The following RNF169 variants were observed in gnomAD, a reference collection of about 807,000 sequenced individuals.
RNF169 encodes ring finger protein 169, also known as E3 ubiquitin-protein ligase RNF169.
A neutral mutation model predicts 53.9 loss-of-function variants in RNF169; 24 were observed. The ratio of observed to expected loss-of-function variants is 0.45; its 90% CI spans 0.32 to 0.63. RNF169 has a LOEUF of 0.63. RNF169 is among the 20% of genes least tolerant of loss of function. The pLI is 0.04. For synonymous variants in RNF169, 396 were observed against 363.5 expected (o/e 1.09, Z -1.02); for missense variants, 883 against 906.2 (o/e 0.97, Z 0.33).
chr11:74,760,274 T>C (rs1020388329), intron 1 of RNF169, among the ~76,000 whole-genome samples: 1 of 152,242 alleles, frequency 6.6e-6, no homozygotes, highest in East Asian at 1.9e-4. Context: ...CCTGGATTCA[T>C]TGATTTTTTG....
At chr11:74,785,500 T>C (rs1171373669) in intron 1 of RNF169, among the ~76,000 whole-genome samples, 4 of 151,436 alleles carry the variant, frequency 2.6e-5, no homozygotes, top group African/African-American at 7.3e-5. Flanking sequence ...ACAGCTAAGA[T>C]AGAACGTAGG....
chr11:74,762,392 G>C (rs1031362125), intron 1 of RNF169, among the ~76,000 whole-genome samples: 3 of 152,150 alleles, frequency 2.0e-5, no homozygotes, highest in Non-Finnish European at 4.4e-5. Flanking sequence ...GCCTTTTAGA[G>C]TTTCCAGTTT....
At chr11:74,790,818 C>G (rs1378209140) in intron 2 of RNF169, among the ~76,000 whole-genome samples, 1 of 152,206 alleles carries the variant, frequency 6.6e-6, no homozygotes, top group African/African-American at 2.4e-5. Context: ...TTGGAGATGC[C>G]AGGAACTGCA....
chr11:74,793,341 G>C (rs1373048498), intron 2 of RNF169, among the ~76,000 whole-genome samples: 2 of 152,064 alleles, frequency 1.3e-5, no homozygotes, highest in Non-Finnish European at 2.9e-5. Flanking sequence ...AAGATAAGTG[G>C]AAATTAATTC....
At chr11:74,796,485 T>TA (rs547654717) in intron 2 of RNF169, among the ~76,000 whole-genome samples, 3 of 152,240 alleles carry the variant, frequency 2.0e-5, no homozygotes, top group African/African-American at 7.2e-5. Flanking sequence ...GATTTATCTC[T>TA]AAAAAATGTT....
intron 2 of RNF169, among the ~76,000 whole-genome samples, chr11:74,798,898 T>A (rs543754088): frequency 3.2e-4 from 48 of 152,078 alleles, no homozygotes; most frequent in Admixed American, 9.2e-4. Flanking sequence ...AAAAATTTTT[T>A]AAAAAATTAG....
chr11:74,758,343 G>A (rs1215989117), intron 1 of RNF169, among the ~76,000 whole-genome samples: 1 of 146,834 alleles, frequency 6.8e-6, no homozygotes, highest in Non-Finnish European at 1.5e-5. Context: ...GCTCTGTTCT[G>A]TTCCATTGAT....
chr11:74,757,286 T>C (rs1213563891), intron 1 of RNF169, among the ~76,000 whole-genome samples: 2,442 of 119,720 alleles, frequency 0.02, 114 homozygotes, highest in African/African-American at 0.079. Flanking sequence ...CTGAGAATGA[T>C]GGTTTCCAGT....
intron 4 of RNF169, chr11:74,831,527 T>A (rs1565188413): frequency 6.6e-6 from 1 of 152,192 alleles, no homozygotes; most frequent in Non-Finnish European, 1.5e-5. Flanking sequence ...CCTGTGCTCA[T>A]GGATTAGAAG....
chr11:74,797,560 A>G (rs1323218101), intron 2 of RNF169, among the ~76,000 whole-genome samples: 1 of 152,234 alleles, frequency 6.6e-6, no homozygotes, highest in Non-Finnish European at 1.5e-5. Context: ...TATCTTGCAC[A>G]TAGCTCTTCA....
rs935818081 is a variant in RNF169, at chr11:74,757,043, T to A, written c.502+7661T>A. On this transcript the variant is annotated intron_variant, in intron 1 of 5. Transcript: ENST00000299563. ...TTAAGTTTTAGGGTACATGTGCACA[T>A]TGTGCAGGTTAGTTACATATGTATA... is the stretch of plus-strand genomic sequence containing the variant. Among the ~76,000 whole-genome samples, 454 of 149,134 alleles carry A rather than the reference T, an allele frequency of 3.0e-3. 2 individuals carry two copies. Among genetic ancestry groups the A allele is most frequent in the African/African-American group, 0.011 (433 of 39,902 alleles).
In RNF169 at chr11:74,803,876, A is replaced by G. The variant is rs547567781; in HGVS notation, c.577-6308A>G. Among the ~76,000 whole-genome samples, 7 of 152,372 alleles carry G rather than the reference A, an allele frequency of 4.6e-5. No homozygotes were observed. In the South Asian group the frequency reaches 1.5e-3, roughly 32 times the overall value. On this transcript the variant is annotated intron_variant, in intron 2 of 5. Transcript: ENST00000299563. ...TTCAAGATATGTGGATTGGCAGTAAATATTGTACAGGCATTTCTGCCCTTG... is the reference window on the plus strand; with the variant it reads ...TTCAAGATATGTGGATTGGCAGTAAGTATTGTACAGGCATTTCTGCCCTTG...
intron 5 of RNF169, 51 bp downstream of exon 5, chr11:74,834,826 C>T (rs780052527): frequency 2.5e-6 from 3 of 1,213,254 alleles, no homozygotes; most frequent in African/African-American, 1.5e-5. Context: ...CCCCATCACC[C>T]CCTCTGCACA....
chr11:74,751,146 C>G (rs1713030295), intron 1 of RNF169, among the ~76,000 whole-genome samples: 1 of 142,812 alleles, frequency 7.0e-6, no homozygotes. Flanking sequence ...GTTGGGATTA[C>G]AGGCGTGAGC....
intron 4 of RNF169, chr11:74,831,020 T>C (rs1565188284): frequency 6.6e-6 from 1 of 151,994 alleles, no homozygotes. Context: ...ATAAAAGGAA[T>C]CTATAAAAAA....
At chr11:74,801,571 T>C (rs2035729717) in intron 2 of RNF169, among the ~76,000 whole-genome samples, 1 of 152,240 alleles carries the variant, frequency 6.6e-6, no homozygotes, top group African/African-American at 2.4e-5. Flanking sequence ...GACCCCCATA[T>C]GAATTTAAAG....
chr11:74,761,573 C>T (rs538505099), intron 1 of RNF169, among the ~76,000 whole-genome samples: 3 of 152,110 alleles, frequency 2.0e-5, no homozygotes, highest in African/African-American at 7.2e-5. Flanking sequence ...ACTTATGAAG[C>T]TTAGTTTGGC....
rs1307395064 is a variant in RNF169, at chr11:74,835,749, C to T, written c.1146C>T (p.Phe382=). Residue 382 remains phenylalanine, a synonymous_variant, in exon 6 of 6, where the codon TTC becomes TTT. Coordinates refer to ENST00000299563, the MANE Select transcript of RNF169 (RefSeq NM_001098638.2). ...GCATCTCCGAAGAACTAAACCATTT[C>T]AAGCCCATTGTCTGCTCACCATGTA... ...NDSISEELNH[F]KPIVCSPCTP... is the part of the protein sequence containing the mutation. 1 of 1,614,108 alleles carries T rather than the reference C, an allele frequency of 6.2e-7. No homozygotes were observed. The highest frequency in any genetic ancestry group is 1.3e-5 in the African/African-American group (1 of 74,936).
intron 2 of RNF169, among the ~76,000 whole-genome samples, chr11:74,800,172 C>T (rs1163255607): frequency 6.6e-6 from 1 of 151,568 alleles, no homozygotes; most frequent in Non-Finnish European, 1.5e-5. Context: ...TTAAAATACC[C>T]ATCTCTAGCC....
Sources: gnomAD v4.1 joint callset for allele counts (sites outside exome capture counted in the v4.1 genomes callset) on GRCh38, gnomAD v4.1.1 for gene constraint, MANE v1.5 for transcripts, NCBI Gene and HGNC (gene_info 2026-07-23, HGNC 2026-07-21) for gene names.